Variants in SLC45A2 observed in about 807,000 individuals in gnomAD.
SLC45A2 encodes the protein solute carrier family 45 member 2, also known as membrane-associated transporter protein.
SLC45A2 carries 36 observed loss-of-function variants against 45.5 expected under a neutral mutation model. That is an observed-to-expected ratio of 0.79 (90% CI 0.61 to 1.04). The LOEUF (loss-of-function observed/expected upper bound fraction) is 1.04. SLC45A2 is among the 50% of genes least tolerant of loss of function. The probability of loss-of-function intolerance (pLI) is 0.00; values close to 1 mark genes in which losing one functional copy is unlikely to be tolerated. For synonymous variants in SLC45A2, 306 were observed against 269.3 expected, an observed-to-expected ratio of 1.14 and a Z score of -1.33; for missense variants, 719 against 671.0, an observed-to-expected ratio of 1.07 and a Z score of -0.79.
At chr5:33,971,846 C>G (rs140774724) in intron 2 of SLC45A2, among the ~76,000 whole-genome samples, 1 of 152,104 alleles carries the variant, frequency 6.6e-6, no homozygotes, top group East Asian at 1.9e-4. Flanking sequence ...AGGCTGGTCT[C>G]GAACTCCCGA....
chr5:33,946,830 C>T, intron 6 of SLC45A2: 1 of 1,285,166 alleles, frequency 7.8e-7, no homozygotes, highest in Non-Finnish European at 9.9e-7. Flanking sequence ...TACAGAAGAC[C>T]TGGGTCCCCC....
intron 2 of SLC45A2, chr5:33,972,294 T>C: frequency 2.3e-6 from 1 of 440,590 alleles, no homozygotes; most frequent in Non-Finnish European, 4.6e-6. Context: ...AGAGTTAAAA[T>C]ACAACAGACC....
intron 2 of SLC45A2, among the ~76,000 whole-genome samples, chr5:33,975,246 G>A (rs545931177): frequency 2.0e-5 from 3 of 152,312 alleles, no homozygotes; most frequent in Non-Finnish European, 2.9e-5. Context: ...GCAATTTGTC[G>A]TGTCATTTAA....
rs34859752 is a variant in SLC45A2 at position 33,967,965 on chromosome 5, TA to T, written c.563-3950del. ...CACTCTCTTATCTTAGGGAAGGGGG[TA>T]AAAAAAAAAAAAGGGAAGAACTGTC... On this transcript the variant is annotated intron_variant, in intron 2 of 6. Coordinates refer to ENST00000296589, the MANE Select transcript of SLC45A2 (RefSeq NM_016180.5). Among the ~76,000 whole-genome samples the T allele has an allele frequency of 4.3e-3, 566 of 133,050 alleles. 1 individual carries two copies. Among genetic ancestry groups the T allele is most frequent in the African/African-American group, 5.4e-3 (194 of 35,828 alleles). 87.3% of individuals were successfully genotyped at this position (133,050 alleles called of 152,430 possible). A position where few individuals can be genotyped will look rare whatever the true frequency, so the allele number is the denominator to read the frequency against.
intron 3 of SLC45A2, among the ~76,000 whole-genome samples, chr5:33,958,805 A>C (rs1010872): frequency 0.93 from 141,288 of 152,234 alleles, 66,171 homozygotes; most frequent in Non-Finnish European, 0.99. Context: ...GAGTTCCATG[A>C]CTTTCAAAAG....
intron 3 of SLC45A2, among the ~76,000 whole-genome samples, chr5:33,955,322 C>A (rs2111931147): frequency 6.6e-6 from 1 of 152,332 alleles, no homozygotes; most frequent in Non-Finnish European, 1.5e-5. Context: ...TCCCACTGAG[C>A]TTCCAGATGA....
At chr5:33,945,922 A>G (rs964863736) in intron 6 of SLC45A2, 2 of 968,776 alleles carry the variant, frequency 2.1e-6, no homozygotes, top group Non-Finnish European at 2.5e-6. Flanking sequence ...AAAAACTAGT[A>G]AGAGTGGTAA....
chr5:33,973,632 T>C (rs1345766084), intron 2 of SLC45A2, among the ~76,000 whole-genome samples: 2 of 152,246 alleles, frequency 1.3e-5, no homozygotes, highest in Non-Finnish European at 2.9e-5. Flanking sequence ...TTTTTGTGCA[T>C]ACTTTGAAGT....
intron 2 of SLC45A2, chr5:33,971,557 G>T: frequency 4.2e-6 from 1 of 240,242 alleles, no homozygotes; most frequent in South Asian, 5.6e-5. Context: ...TTCCACCTCA[G>T]CCTCCGGAGT....
intron 2 of SLC45A2, chr5:33,971,241 T>C (rs1752769036): frequency 1.9e-6 from 1 of 531,102 alleles, no homozygotes; most frequent in South Asian, 1.4e-5. Flanking sequence ...ATGAGGATCC[T>C]GGGATGTTTC....
intron 5 of SLC45A2, 179 bp downstream of exon 5, chr5:33,951,375 A>G (rs1752089533): frequency 6.7e-7 from 1 of 1,491,578 alleles, no homozygotes; most frequent in Non-Finnish European, 8.9e-7. Flanking sequence ...CCTAGAATTC[A>G]TGATGAAAAA....
intron 2 of SLC45A2, among the ~76,000 whole-genome samples, chr5:33,981,751 TTTG>T (rs1753077997): frequency 6.6e-6 from 1 of 152,204 alleles, no homozygotes. Flanking sequence ...GTTTGCTTGG[TTTG>T]TTTTCTCTTT....
chr5:33,976,076 G>T (rs559968672), intron 2 of SLC45A2, among the ~76,000 whole-genome samples: 20 of 152,256 alleles, frequency 1.3e-4, no homozygotes, highest in Admixed American at 3.3e-4. Context: ...CAGACTTTTT[G>T]TTACATAAGA....
At chr5:33,954,550 T>C (rs778010062) in intron 3 of SLC45A2, 46 bp from the exon 4 acceptor site, 1 of 1,611,368 alleles carries the variant, frequency 6.2e-7, no homozygotes. Context: ...CTGCAGAAAC[T>C]CAGCCAGCTA....
chr5:33,961,535 T>C (rs1752455099), intron 3 of SLC45A2, among the ~76,000 whole-genome samples: 1 of 152,202 alleles, frequency 6.6e-6, no homozygotes, highest in African/African-American at 2.4e-5. Context: ...AAAATCTCTA[T>C]TCAAATCCTA....
At chr5:33,956,430 G>C (rs951882214) in intron 3 of SLC45A2, among the ~76,000 whole-genome samples, 5 of 145,320 alleles carry the variant, frequency 3.4e-5, no homozygotes, top group African/African-American at 9.8e-5. Flanking sequence ...AAGCAGACAG[G>C]TCAAGAGAAA....
chr5:33,973,566 CTCT>C (rs1752844443), intron 2 of SLC45A2, among the ~76,000 whole-genome samples: 1 of 152,216 alleles, frequency 6.6e-6, no homozygotes, highest in Non-Finnish European at 1.5e-5. Context: ...GTTTTTAAGA[CTCT>C]TTTCTTAGCC....
At position 33,959,363 on chromosome 5, in the gene SLC45A2, G is replaced by A. The variant is rs138561083; in HGVS notation, c.888+4328C>T. ...TTTGGCTGTCCTGCATAAATGCACA[G>A]AGGGCTCCAGTCCAACTAGTAATCT... On this transcript the variant is annotated intron_variant, in intron 3 of 6. Coordinates refer to ENST00000296589, the MANE Select transcript of SLC45A2 (RefSeq NM_016180.5). 1.2e-3 allele frequency among the ~76,000 whole-genome samples: 190 copies of A among 152,272 alleles called. 1 individual carries two copies. Among genetic ancestry groups the A allele is most frequent in the African/African-American group, 4.1e-3 (172 of 41,560 alleles).
chr5:33,972,281 C>A, intron 2 of SLC45A2: 2 of 470,936 alleles, frequency 4.2e-6, no homozygotes, highest in East Asian at 1.1e-4. Context: ...TGATACTCTG[C>A]GCAGAGTTAA....
Sources: allele counts gnomAD v4.1 joint callset (sites outside exome capture counted in the v4.1 genomes callset), GRCh38; gene constraint gnomAD v4.1.1; transcripts MANE v1.5; gene names NCBI Gene and HGNC (gene_info 2026-07-23, HGNC 2026-07-21).